The following NDUFAF2 variants were observed in gnomAD, a reference collection of about 807,000 sequenced individuals.
NDUFAF2 encodes NADH dehydrogenase [ubiquinone] 1 alpha subcomplex assembly factor 2.
A neutral mutation model predicts 22.8 loss-of-function variants in NDUFAF2; 13 were observed. The ratio of observed to expected loss-of-function variants is 0.57; its 90% confidence interval spans 0.37 to 0.91. The LOEUF is 0.91. Ranked by LOEUF, NDUFAF2 falls within the 40% of genes least tolerant of loss-of-function variation. NDUFAF2 has a pLI of 0.01. For synonymous variants in NDUFAF2, 53 were observed against 64.2 expected, an observed-to-expected ratio of 0.83 and a Z score of 0.84; for missense variants, 162 against 195.2, an observed-to-expected ratio of 0.83 and a Z score of 1.01.
At chr5:60,960,247 T>C (rs1434203714) in intron 1 of NDUFAF2, among the ~76,000 whole-genome samples, 1 of 152,158 alleles carries the variant, frequency 6.6e-6, no homozygotes, top group African/African-American at 2.4e-5. Context: ...TTAAGAATAG[T>C]AGTGTCAATA....
At chr5:61,002,432 A>G (rs1751308442) in intron 1 of NDUFAF2, among the ~76,000 whole-genome samples, 1 of 152,138 alleles carries the variant, frequency 6.6e-6, no homozygotes, top group Non-Finnish European at 1.5e-5. Flanking sequence ...AGAATAGACT[A>G]CATGTAATTC....
At chr5:61,029,483 G>T (rs1330603082) in intron 1 of NDUFAF2, among the ~76,000 whole-genome samples, 1 of 151,992 alleles carries the variant, frequency 6.6e-6, no homozygotes, top group East Asian at 1.9e-4. Flanking sequence ...TTTATATTAG[G>T]TTGCACATTA....
chr5:61,005,870 A>C (rs1352787981), intron 1 of NDUFAF2, among the ~76,000 whole-genome samples: 2 of 151,710 alleles, frequency 1.3e-5, no homozygotes, highest in African/African-American at 2.4e-5. Flanking sequence ...GATTGTAAAA[A>C]TTTTCTCCCA....
In NDUFAF2 at chr5:61,143,960, TTGTGTGTGTGTGTGTGTGTG is replaced by T. The variant is rs58281805; in HGVS notation, c.259-8714_259-8695del. 5.1e-5 allele frequency among the ~76,000 whole-genome samples: 5 copies of T among 98,220 alleles called. No homozygotes were observed. In the South Asian group the frequency reaches 9.1e-4, roughly 18 times the overall value. The allele number at this position is 98,220 out of a possible 152,430, so 64.4% of individuals were successfully genotyped here. On this transcript the variant is annotated intron_variant, in intron 3 of 3. Coordinates refer to ENST00000296597, the MANE Select transcript of NDUFAF2 (RefSeq NM_174889.5). ...ACATTAAAGATGAAATGGCATATTT[TTGTGTGTGTGTGTGTGTGTG>T]TGTGTGTGTGTGTGTGTGTGTGTGT...
rs370799898 is a variant in NDUFAF2 at position 61,152,904 on chromosome 5, C to A, written c.459C>A (p.Thr153=). Residue 153 remains threonine, a synonymous_variant, in exon 4 of 4, where the codon ACC becomes ACA. Coordinates refer to ENST00000296597, the MANE Select transcript of NDUFAF2 (RefSeq NM_174889.5). Reference sequence around the variant, plus strand: ...TGGCTCCCAGCAGCACTGGTAAAACCTTTCAGCCAGGATCCTGGATGCCAC... The same window carrying A: ...TGGCTCCCAGCAGCACTGGTAAAACATTTCAGCCAGGATCCTGGATGCCAC... ...PSVAPSSTGK[T]FQPGSWMPRD... The A allele has an allele frequency of 3.1e-6, 5 of 1,613,330 alleles. No homozygotes were observed.
intron 3 of NDUFAF2, among the ~76,000 whole-genome samples, chr5:61,104,116 G>A (rs1445045511): frequency 1.3e-5 from 2 of 152,008 alleles, no homozygotes; most frequent in East Asian, 3.9e-4. Context: ...TTTGTGATGG[G>A]TTTATAAGGA....
intron 3 of NDUFAF2, among the ~76,000 whole-genome samples, chr5:61,121,966 G>C (rs951254594): frequency 6.6e-6 from 1 of 151,920 alleles, no homozygotes; most frequent in African/African-American, 2.4e-5. Context: ...AAAAAGCTGG[G>C]ATTACAGGCA....
intron 3 of NDUFAF2, chr5:61,114,889 T>C (rs1752891834): frequency 6.6e-6 from 1 of 152,224 alleles, no homozygotes; most frequent in Non-Finnish European, 1.5e-5. Flanking sequence ...TTACTTTCTC[T>C]CAAACAGTCT....
At chr5:61,109,955 T>G (rs146088538) in intron 3 of NDUFAF2, among the ~76,000 whole-genome samples, 1 of 152,210 alleles carries the variant, frequency 6.6e-6, no homozygotes, top group East Asian at 1.9e-4. Context: ...GTGGGTCTGT[T>G]GTATATGGCT....
At chr5:61,052,849 C>G (rs1752042331) in intron 1 of NDUFAF2, among the ~76,000 whole-genome samples, 1 of 152,132 alleles carries the variant, frequency 6.6e-6, no homozygotes, top group African/African-American at 2.4e-5. Context: ...GTTATTCAAC[C>G]TTTTTGTTGA....
At chr5:61,085,086 G>A (rs1752490402) in intron 2 of NDUFAF2, among the ~76,000 whole-genome samples, 1 of 152,052 alleles carries the variant, frequency 6.6e-6, no homozygotes, top group Admixed American at 6.6e-5. Flanking sequence ...ATATCAACCT[G>A]ACAGAAACAA....
intron 3 of NDUFAF2, among the ~76,000 whole-genome samples, chr5:61,128,636 A>G (rs1280432216): frequency 6.6e-6 from 1 of 152,200 alleles, no homozygotes; most frequent in Non-Finnish European, 1.5e-5. Context: ...TACACCTTAT[A>G]CAAAAATTAA....
At chr5:61,128,440 C>A (rs978485645) in intron 3 of NDUFAF2, among the ~76,000 whole-genome samples, 4 of 152,098 alleles carry the variant, frequency 2.6e-5, no homozygotes, top group Admixed American at 6.6e-5. Context: ...GGTACTGGTA[C>A]CAAAACAGAG....
chr5:61,150,901 A>G (rs1274074240), intron 3 of NDUFAF2, among the ~76,000 whole-genome samples: 1 of 152,214 alleles, frequency 6.6e-6, no homozygotes, highest in Non-Finnish European at 1.5e-5. Context: ...TCTAGAGGGT[A>G]TAGGAAGAAG....
intron 2 of NDUFAF2, among the ~76,000 whole-genome samples, chr5:61,073,811 T>C (rs1166315864): frequency 6.6e-6 from 1 of 152,190 alleles, no homozygotes; most frequent in Non-Finnish European, 1.5e-5. Context: ...AACAGTAACA[T>C]ATGAACTTAG....
intron 1 of NDUFAF2, among the ~76,000 whole-genome samples, chr5:61,001,353 A>G (rs973823129): frequency 2.0e-5 from 3 of 152,146 alleles, no homozygotes; most frequent in East Asian, 3.9e-4. Flanking sequence ...GGAGAACGCA[A>G]TGAATAATTT....
chr5:60,948,227 TTGTTTATTTTGAGATGGAGTCTCGCCC>T (rs747374281), intron 1 of NDUFAF2, among the ~76,000 whole-genome samples: 10 of 152,310 alleles, frequency 6.6e-5, no homozygotes, highest in South Asian at 2.1e-4. Context: ...TTATTTTTAT[TTGTTTATTTTGAGATGGAGTCTCGCCC>T]TGTCGCCCAG....
intron 1 of NDUFAF2, among the ~76,000 whole-genome samples, chr5:61,052,435 C>T (rs993876902): frequency 3.3e-5 from 5 of 152,140 alleles, no homozygotes; most frequent in Non-Finnish European, 5.9e-5. Flanking sequence ...CTCAGCCTCC[C>T]GAGTAGCTGG....
At chr5:61,019,182 T>A (rs1751547789) in intron 1 of NDUFAF2, among the ~76,000 whole-genome samples, 1 of 152,126 alleles carries the variant, frequency 6.6e-6, no homozygotes, top group Admixed American at 6.6e-5. Context: ...ACTGAGTATC[T>A]TATCCCACAA....
Sources: allele counts gnomAD v4.1 joint callset (sites outside exome capture counted in the v4.1 genomes callset), GRCh38; gene constraint gnomAD v4.1.1; transcripts MANE v1.5; gene names NCBI Gene and HGNC (gene_info 2026-07-23, HGNC 2026-07-21).